The following COL24A1 variants were observed in gnomAD, a reference collection of about 807,000 sequenced individuals.
The protein encoded by COL24A1 is collagen alpha-1(XXIV) chain.
Under a neutral mutation model 253.9 loss-of-function variants are expected in COL24A1, and 224 were observed. The ratio of observed to expected loss-of-function variants is 0.88; its 90% confidence interval spans 0.79 to 0.99. The LOEUF is 0.99. Among genes scored for constraint, COL24A1 ranks in the 50% least tolerant of loss-of-function variants. COL24A1 has a pLI of 0.00. For missense variants in COL24A1, 2,131 were observed against 2,068.5 expected (o/e 1.03, Z -0.59); for synonymous variants, 685 against 673.7 (o/e 1.02, Z -0.26).
intron 32 of COL24A1, among the ~76,000 whole-genome samples, chr1:85,877,645 G>A (rs1276905266): frequency 3.9e-5 from 6 of 152,214 alleles, no homozygotes; most frequent in Non-Finnish European, 7.3e-5. Flanking sequence ...TTACAGGCAT[G>A]AGCCACTGCG....
chr1:86,110,041 G>A (rs1303738641), intron 5 of COL24A1, among the ~76,000 whole-genome samples: 1 of 152,090 alleles, frequency 6.6e-6, no homozygotes, highest in Non-Finnish European at 1.5e-5. Flanking sequence ...TGTGAACTGT[G>A]AGAAATAAAT....
intron 5 of COL24A1, among the ~76,000 whole-genome samples, chr1:86,110,777 C>T (rs1272329838): frequency 2.0e-5 from 3 of 152,286 alleles, no homozygotes; most frequent in Admixed American, 6.5e-5. Context: ...ACCGCCTGCC[C>T]GCAGGGCAGG....
At chr1:86,006,764 T>A (rs1273276318) in intron 19 of COL24A1, among the ~76,000 whole-genome samples, 1 of 151,442 alleles carries the variant, frequency 6.6e-6, no homozygotes. Context: ...TTACCCCAAA[T>A]ATACAAAGAA....
intron 2 of COL24A1, among the ~76,000 whole-genome samples, chr1:86,141,110 T>C (rs1651003914): frequency 6.6e-6 from 1 of 152,152 alleles, no homozygotes; most frequent in South Asian, 2.1e-4. Flanking sequence ...AGACAAAATA[T>C]ATCAACAAAT....
At chr1:86,112,232 C>T (rs754745576) in intron 5 of COL24A1, among the ~76,000 whole-genome samples, 8 of 151,772 alleles carry the variant, frequency 5.3e-5, no homozygotes, top group South Asian at 2.1e-4. Flanking sequence ...CAAATTAAAA[C>T]GACCTTAATT....
chr1:85,845,881 A>G (rs1677097626), intron 39 of COL24A1, among the ~76,000 whole-genome samples: 1 of 151,890 alleles, frequency 6.6e-6, no homozygotes, highest in African/African-American at 2.4e-5. Flanking sequence ...TGTTTATAGA[A>G]AGATTCAGCA....
chr1:85,997,055 G>GTGTGTGTGTGTGTGTATATATATATATA lies in COL24A1; in HGVS notation c.2311-9402_2311-9401insTATATATATATATACACACACACACACA. Among the ~76,000 whole-genome samples the GTGTGTGTGTGTGTGTATATATATATATA allele has an allele frequency of 5.3e-3, 500 of 94,726 alleles. 3 individuals are homozygous for GTGTGTGTGTGTGTGTATATATATATATA. The highest frequency in any genetic ancestry group is 9.5e-3 in the Non-Finnish European group (385 of 40,562). 62.1% of individuals were successfully genotyped at this position (94,726 alleles called of 152,430 possible). On this transcript the variant is annotated intron_variant, in intron 19 of 59. Transcript: ENST00000370571. Reference sequence around the variant, plus strand: ...TATATATATATATGTGTGTGTGTGTGTATATATATATATATATATATATAT... The same window carrying GTGTGTGTGTGTGTGTATATATATATATA: ...TATATATATATATGTGTGTGTGTGTGTGTGTGTGTGTGTGTATATATATATATATATATATATATATATATATATATAT...
chr1:85,747,258 C>A (rs1160014711), intron 55 of COL24A1, among the ~76,000 whole-genome samples: 1 of 151,686 alleles, frequency 6.6e-6, no homozygotes, highest in African/African-American at 2.4e-5. Flanking sequence ...TGACTACAGG[C>A]TTGTGACAAC....
rs1553201491 is a variant in COL24A1, at chr1:85,858,621, C to CTCCTTCCTTCCTTCCTTCTTTCTT, written c.3301-9216_3301-9215insAAGAAAGAAGGAAGGAAGGAAGGA. 6.2e-5 allele frequency among the ~76,000 whole-genome samples: 7 copies of CTCCTTCCTTCCTTCCTTCTTTCTT among 113,270 alleles called. 1 individual carries two copies. The highest frequency in any genetic ancestry group is 6.2e-5 in the African/African-American group (2 of 32,312). 74.3% of individuals were successfully genotyped at this position (113,270 alleles called of 152,430 possible). On this transcript the variant is annotated intron_variant, in intron 37 of 59. Coordinates refer to ENST00000370571, the MANE Select transcript of COL24A1 (RefSeq NM_152890.7). ...AACATATTTTCTCCTTATTTTCTCC[C>CTCCTTCCTTCCTTCCTTCTTTCTT]TCCTTCCTTCCTTCCTTCCTTCCTT... is the stretch of plus-strand genomic sequence containing the variant.
At position 85,730,707 on chromosome 1, in the gene COL24A1, C is replaced by T. The variant is rs1025196999; in HGVS notation, c.4999-15G>A. ...CCATCTTGAATCTGTAAAATAAGAA[C>T]AAAATGCTTTCATACGCATTTCATT... is the stretch of plus-strand genomic sequence containing the variant. On this transcript the variant is annotated splice_polypyrimidine_tract_variant and intron_variant, in intron 59 of 59. Transcript: ENST00000370571. 1 of 1,612,966 alleles carries T rather than the reference C, an allele frequency of 6.2e-7. No individual in the cohort carries two copies. The highest frequency in any genetic ancestry group is 1.3e-5 in the African/African-American group (1 of 74,876).
At chr1:85,851,212 A>T (rs928674411) in intron 37 of COL24A1, among the ~76,000 whole-genome samples, 1 of 152,072 alleles carries the variant, frequency 6.6e-6, no homozygotes, top group African/African-American at 2.4e-5. Context: ...TTTAAAAAGC[A>T]GTATCATACT....
chr1:85,823,915 C>G (rs1445818989), intron 43 of COL24A1, among the ~76,000 whole-genome samples, 177 bp from the exon 44 acceptor site: 3 of 151,882 alleles, frequency 2.0e-5, no homozygotes, highest in Non-Finnish European at 4.4e-5. Flanking sequence ...ATTATGGTAG[C>G]TGAAAACAAG....
At chr1:86,009,198 G>A (rs1696272291) in intron 19 of COL24A1, among the ~76,000 whole-genome samples, 1 of 152,154 alleles carries the variant, frequency 6.6e-6, no homozygotes, top group Non-Finnish European at 1.5e-5. Context: ...AACCTTTCCA[G>A]ACATCTCAAC....
At position 86,125,621 on chromosome 1, in the gene COL24A1, T is replaced by A; in HGVS notation, c.715A>T (p.Lys239Ter). The A allele has an allele frequency of 6.2e-7, 1 of 1,613,274 alleles. No individual in the cohort carries two copies. The highest frequency in any genetic ancestry group is 8.5e-7 in the Non-Finnish European group (1 of 1,179,598). The change falls in exon 3 of 60, where the codon AAA becomes TAA. Residue 239 changes from lysine to a stop codon, truncating the protein, a stop_gained. Transcript: ENST00000370571. LOFTEE classifies it high-confidence loss of function. ...TTGTCTGCTTGGCGACACTGCTGTT[T>A]CACATATCTGCAGTAGTCTGCAGAT... ...EASADYCRYV[K>*]QQCRQADKYQ...
At chr1:86,114,512 A>T (rs61802237) in intron 4 of COL24A1, among the ~76,000 whole-genome samples, 21,560 of 152,110 alleles carry the variant, frequency 0.14, 1,709 homozygotes, top group South Asian at 0.24. Context: ...AAGGTTTAGA[A>T]GGGGCTATGG....
chr1:86,126,117 C>T lies in COL24A1; in HGVS notation c.219G>A (p.Gln73=), dbSNP rs760076925. ...CTCCTGATTCTGTTAAATGGACCCC[C>T]TGAGGTAACGGTGTAGATGCTGATG... ...AVPSASTPLP[Q]GVHLTESGVI... is the part of the protein sequence containing the mutation. Residue 73 remains glutamine, a synonymous_variant, in exon 3 of 60, where the codon CAG becomes CAA. Transcript: ENST00000370571. 8.7e-6 allele frequency: 14 copies of T among 1,612,462 alleles called. No homozygotes were observed. The South Asian group carries it at 1.3e-4, about 15-fold the overall frequency.
intron 47 of COL24A1, among the ~76,000 whole-genome samples, chr1:85,799,190 T>C (rs1426890244): frequency 1.4e-5 from 1 of 70,694 alleles, no homozygotes; most frequent in East Asian, 6.0e-4. Flanking sequence ...TGCCAAGAAT[T>C]CTTTAATTCC....
intron 24 of COL24A1, among the ~76,000 whole-genome samples, chr1:85,915,869 G>T (rs1337633426): frequency 6.6e-6 from 1 of 152,106 alleles, no homozygotes; most frequent in Non-Finnish European, 1.5e-5. Context: ...GGCCAGGCTA[G>T]TCTCGAACTC....
At position 86,137,618 on chromosome 1, in the gene COL24A1, A is replaced by G. The variant is rs1428876805; in HGVS notation, c.121+8501T>C. On this transcript the variant is annotated intron_variant, in intron 2 of 59. Coordinates refer to ENST00000370571, the MANE Select transcript of COL24A1 (RefSeq NM_152890.7). ...TATTTGCTTCTGAAGTGTAAAATAA[A>G]TGGTGGTGTCACCAAGACAACGACT... Among the ~76,000 whole-genome samples, 3 of 152,174 alleles carry G rather than the reference A, an allele frequency of 2.0e-5. No homozygotes were observed. The East Asian group carries it at 5.8e-4, about 29-fold the overall frequency.
Sources: gnomAD v4.1 joint callset for allele counts (sites outside exome capture counted in the v4.1 genomes callset) on GRCh38, gnomAD v4.1.1 for gene constraint, MANE v1.5 for transcripts, NCBI Gene and HGNC (gene_info 2026-07-23, HGNC 2026-07-21) for gene names.